The following SLC24A3 variants were observed in gnomAD, a reference collection of about 807,000 sequenced individuals.
SLC24A3 encodes the protein solute carrier family 24 member 3, also known as sodium/potassium/calcium exchanger 3.
Under a neutral mutation model 75.8 loss-of-function variants are expected in SLC24A3, and 28 were observed. That is an observed-to-expected ratio of 0.37 (90% confidence interval 0.27 to 0.51). SLC24A3 has a LOEUF of 0.51. Ranked by LOEUF, SLC24A3 falls within the 20% of genes least tolerant of loss-of-function variation. SLC24A3 has a pLI of 0.94. For synonymous variants in SLC24A3, 372 were observed against 334.1 expected (o/e 1.11, Z -1.24); for missense variants, 663 against 847.8 (o/e 0.78, Z 2.71).
chr20:19,413,282 A>ATGATGCT (rs1568611651), intron 2 of SLC24A3, among the ~76,000 whole-genome samples: 1 of 152,220 alleles, frequency 6.6e-6, no homozygotes, highest in Non-Finnish European at 1.5e-5. Flanking sequence ...TACATGGTTT[A>ATGATGCT]TGATGCTTCA....
chr20:19,253,301 C>T (rs1982717544), intron 1 of SLC24A3, among the ~76,000 whole-genome samples: 1 of 152,188 alleles, frequency 6.6e-6, no homozygotes, highest in Non-Finnish European at 1.5e-5. Context: ...CTGTCATTTT[C>T]AGGGCATTTT....
chr20:19,659,050 G>T (rs546304643), intron 7 of SLC24A3, among the ~76,000 whole-genome samples: 2 of 152,292 alleles, frequency 1.3e-5, no homozygotes, highest in Admixed American at 6.5e-5. Context: ...TTTACCTTTC[G>T]TCTCTGCTGG....
intron 2 of SLC24A3, among the ~76,000 whole-genome samples, chr20:19,296,021 G>A (rs1984051661): frequency 1.3e-5 from 2 of 152,070 alleles, no homozygotes; most frequent in African/African-American, 4.8e-5. Context: ...ATTTATTACT[G>A]TCTCGATTTC....
chr20:19,507,303 C>T (rs1988475140), intron 2 of SLC24A3, among the ~76,000 whole-genome samples: 1 of 152,200 alleles, frequency 6.6e-6, no homozygotes, highest in African/African-American at 2.4e-5. Context: ...AAAATTGCTG[C>T]AAGGCAAACA....
chr20:19,341,805 T>C (rs1193454515), intron 2 of SLC24A3, among the ~76,000 whole-genome samples: 1 of 152,200 alleles, frequency 6.6e-6, no homozygotes, highest in Non-Finnish European at 1.5e-5. Flanking sequence ...AATGAAGGTA[T>C]GACCATCTAA....
At chr20:19,332,078 T>C (rs1396157121) in intron 2 of SLC24A3, among the ~76,000 whole-genome samples, 2 of 152,030 alleles carry the variant, frequency 1.3e-5, no homozygotes, top group Non-Finnish European at 2.9e-5. Context: ...AGGAGAAGAA[T>C]TGGAGCGTCT....
intron 3 of SLC24A3, among the ~76,000 whole-genome samples, chr20:19,553,390 G>A (rs578193198): frequency 2.6e-5 from 4 of 152,272 alleles, no homozygotes; most frequent in South Asian, 4.2e-4. Context: ...GCATCACAAG[G>A]AAGTAAGGTG....
At chr20:19,344,813 T>TTGAA (rs1568595208) in intron 2 of SLC24A3, among the ~76,000 whole-genome samples, 1 of 152,134 alleles carries the variant, frequency 6.6e-6, no homozygotes, top group Non-Finnish European at 1.5e-5. Context: ...ACAAGGAAGA[T>TTGAA]TGAATGCCAA....
intron 2 of SLC24A3, among the ~76,000 whole-genome samples, chr20:19,401,406 G>C (rs535362638): frequency 1.3e-5 from 2 of 152,352 alleles, no homozygotes; most frequent in East Asian, 3.9e-4. Context: ...TCTACTGTCA[G>C]TCTTGGGGAT....
chr20:19,652,927 G>T (rs1375939782), intron 6 of SLC24A3, among the ~76,000 whole-genome samples: 1 of 152,160 alleles, frequency 6.6e-6, no homozygotes, highest in African/African-American at 2.4e-5. Context: ...CAAGGGCAAA[G>T]GTAGCCAGGC....
intron 6 of SLC24A3, among the ~76,000 whole-genome samples, chr20:19,609,552 T>A (rs1485344369): frequency 6.6e-6 from 1 of 152,154 alleles, no homozygotes; most frequent in Non-Finnish European, 1.5e-5. Flanking sequence ...TTTGTCCTAA[T>A]GCTCTCCCTC....
intron 3 of SLC24A3, among the ~76,000 whole-genome samples, chr20:19,574,592 G>C (rs1044508115): frequency 6.6e-6 from 1 of 152,176 alleles, no homozygotes; most frequent in East Asian, 1.9e-4. Flanking sequence ...TGACCTGTCT[G>C]TACCCTGCAT....
chr20:19,546,182 A>AAAAAAAAAAAAAAC (rs1283634511), intron 3 of SLC24A3, among the ~76,000 whole-genome samples: 4 of 140,316 alleles, frequency 2.9e-5, no homozygotes, highest in Admixed American at 7.0e-5. Context: ...AAAAAAAAAA[A>AAAAAAAAAAAAAAC]AAAAAACCAG....
chr20:19,502,868 C>CAAAAAAAAAA (rs368651686), intron 2 of SLC24A3, among the ~76,000 whole-genome samples: 1 of 72,206 alleles, frequency 1.4e-5, no homozygotes, highest in African/African-American at 5.1e-5. Flanking sequence ...CTGTCTCTAC[C>CAAAAAAAAAA]AAAAAAAAAA....
intron 2 of SLC24A3, among the ~76,000 whole-genome samples, chr20:19,341,742 T>TAGAA (rs1327083981): frequency 6.6e-6 from 1 of 152,132 alleles, no homozygotes; most frequent in African/African-American, 2.4e-5. Context: ...AATACAGCCT[T>TAGAA]TTTGATATCC....
At chr20:19,651,852 C>T (rs1418827238) in intron 6 of SLC24A3, among the ~76,000 whole-genome samples, 1 of 128,696 alleles carries the variant, frequency 7.8e-6, no homozygotes, top group African/African-American at 3.0e-5. Flanking sequence ...CAGAGAGAGA[C>T]TCCATCTCAA....
chr20:19,281,106 C>T lies in SLC24A3; in HGVS notation c.271+19C>T, dbSNP rs116466893. On this transcript the variant is annotated intron_variant, in intron 2 of 16. Transcript: ENST00000328041. The stretch of plus-strand genomic sequence containing the variant: ...GAACCAGGTAACAGTGCTGACTACT[C>T]ATGGGCAGCAGCTGTCATTTTCTCT... The T allele has an allele frequency of 2.1e-3, 3,436 of 1,613,124 alleles. 43 individuals are homozygous for T. The African/African-American group carries it at 0.033, about 15-fold the overall frequency.
At chr20:19,666,621 C>T (rs934033393) in intron 8 of SLC24A3, among the ~76,000 whole-genome samples, 4 of 152,128 alleles carry the variant, frequency 2.6e-5, no homozygotes, top group African/African-American at 4.8e-5. Flanking sequence ...AAAGTTCCCC[C>T]TGACTTTCAA....
chr20:19,526,420 G>C (rs1169215107), intron 3 of SLC24A3, among the ~76,000 whole-genome samples: 1 of 152,158 alleles, frequency 6.6e-6, no homozygotes, highest in African/African-American at 2.4e-5. Context: ...GTTTAATCCA[G>C]TGCCCCACTC....
Sources: allele counts gnomAD v4.1 joint callset (sites outside exome capture counted in the v4.1 genomes callset), GRCh38; gene constraint gnomAD v4.1.1; transcripts MANE v1.5; gene names NCBI Gene and HGNC (gene_info 2026-07-23, HGNC 2026-07-21).